Variants in ENTREP2 observed in about 807,000 individuals in gnomAD.
ENTREP2 encodes endosomal transmembrane epsin interactor 2, also known as protein ENTREP2.
At chr15:29,652,535 G>C in the ENTREP2 span, among the ~76,000 whole-genome samples, 1 of 152,246 alleles carries the variant, frequency 6.6e-6, no homozygotes, top group Non-Finnish European at 1.5e-5. Context: ...GAAGAGCTGA[G>C]GCCCTTTAGG....
chr15:29,416,326 C>A, the ENTREP2 span, among the ~76,000 whole-genome samples: 3 of 152,052 alleles, frequency 2.0e-5, no homozygotes, highest in Non-Finnish European at 4.4e-5. Flanking sequence ...ACAACAGAGC[C>A]CTCAGAAATA....
At chr15:29,382,471 C>T in the ENTREP2 span, among the ~76,000 whole-genome samples, 1 of 151,998 alleles carries the variant, frequency 6.6e-6, no homozygotes, top group Non-Finnish European at 1.5e-5. Context: ...TCACTCATCA[C>T]AGCTTCCCAC....
chr15:29,562,824 G>A, the ENTREP2 span, among the ~76,000 whole-genome samples: 149 of 151,704 alleles, frequency 9.8e-4, no homozygotes, highest in African/African-American at 3.1e-3. Context: ...AGGATTTCTC[G>A]CTGTCACCCA....
chr15:29,318,660 G>A, the ENTREP2 span, among the ~76,000 whole-genome samples: 1 of 152,222 alleles, frequency 6.6e-6, no homozygotes, highest in East Asian at 1.9e-4. Flanking sequence ...CAATGCTACT[G>A]CACACCTACT....
the ENTREP2 span, among the ~76,000 whole-genome samples, chr15:29,211,414 T>C: frequency 6.6e-6 from 1 of 152,242 alleles, no homozygotes; most frequent in Non-Finnish European, 1.5e-5. Flanking sequence ...TTCAGATCTA[T>C]GTCTCACTTC....
chr15:29,296,705 A>C, the ENTREP2 span, among the ~76,000 whole-genome samples: 1 of 152,206 alleles, frequency 6.6e-6, no homozygotes, highest in Non-Finnish European at 1.5e-5. Flanking sequence ...GATATGTATT[A>C]GTTTTCTAGG....
At chr15:29,222,397 TG>T in the ENTREP2 span, among the ~76,000 whole-genome samples, 1 of 152,238 alleles carries the variant, frequency 6.6e-6, no homozygotes, top group African/African-American at 2.4e-5. Context: ...AGGGCTGCTC[TG>T]CCTATGGAGA....
the ENTREP2 span, among the ~76,000 whole-genome samples, chr15:29,367,174 T>G: frequency 6.6e-6 from 1 of 152,178 alleles, no homozygotes; most frequent in African/African-American, 2.4e-5. Flanking sequence ...TTGGGGCATT[T>G]TGGCTTGCCC....
the ENTREP2 span, among the ~76,000 whole-genome samples, chr15:29,520,034 G>T: frequency 3.3e-5 from 5 of 151,926 alleles, no homozygotes; most frequent in South Asian, 2.1e-4. Context: ...CCCAAATCCT[G>T]TAAAACTGCC....
the ENTREP2 span, among the ~76,000 whole-genome samples, chr15:29,633,672 G>A: frequency 1.3e-5 from 2 of 152,022 alleles, no homozygotes; most frequent in African/African-American, 2.4e-5. Context: ...GTGAAATGGG[G>A]TGAGGGGGCC....
At chr15:29,532,240 C>G in the ENTREP2 span, among the ~76,000 whole-genome samples, 1 of 152,138 alleles carries the variant, frequency 6.6e-6, no homozygotes, top group East Asian at 1.9e-4. Context: ...CAGAAAACAT[C>G]ACTGGTAAAC....
At chr15:29,542,806 A>G in the ENTREP2 span, among the ~76,000 whole-genome samples, 2 of 152,212 alleles carry the variant, frequency 1.3e-5, no homozygotes, top group Non-Finnish European at 2.9e-5. Context: ...GGTACCTCAT[A>G]TAAGTGGAAT....
At chr15:29,214,699 A>AT in the ENTREP2 span, among the ~76,000 whole-genome samples, 2 of 151,778 alleles carry the variant, frequency 1.3e-5, no homozygotes, top group African/African-American at 4.9e-5. Flanking sequence ...ATAAAAAAAA[A>AT]AAATGTAAAA....
the ENTREP2 span, chr15:29,234,420 T>C: frequency 5.9e-6 from 9 of 1,519,598 alleles, no homozygotes; most frequent in Non-Finnish European, 8.2e-6. Context: ...TGGGCAACCA[T>C]TCCAGTAGTC....
chr15:29,496,794 A>T, the ENTREP2 span, among the ~76,000 whole-genome samples: 1 of 152,118 alleles, frequency 6.6e-6, no homozygotes, highest in African/African-American at 2.4e-5. Flanking sequence ...TATTGAATTC[A>T]GTTTTCTAGT....
At chr15:29,459,529 T>C in the ENTREP2 span, among the ~76,000 whole-genome samples, 158 of 152,306 alleles carry the variant, frequency 1.0e-3, no homozygotes, top group Admixed American at 2.2e-3. Context: ...TTAATCAAAC[T>C]AGGAGTTGTA....
the ENTREP2 span, among the ~76,000 whole-genome samples, chr15:29,339,693 A>G: frequency 6.6e-6 from 1 of 152,268 alleles, no homozygotes; most frequent in Non-Finnish European, 1.5e-5. Context: ...TGCGAGAAAG[A>G]TGTCTAATTA....
the ENTREP2 span, chr15:29,610,745 A>G: frequency 6.7e-6 from 1 of 150,136 alleles, no homozygotes; most frequent in Non-Finnish European, 1.5e-5. Flanking sequence ...GCTCTGGACA[A>G]CCTCTACAAA....
chr15:29,623,182 G>A, the ENTREP2 span, among the ~76,000 whole-genome samples: 12 of 152,076 alleles, frequency 7.9e-5, no homozygotes, highest in Non-Finnish European at 1.5e-4. Flanking sequence ...TAGCTCCTGG[G>A]GCCGTCTTCC....
Sources: allele counts gnomAD v4.1 joint callset (sites outside exome capture counted in the v4.1 genomes callset), GRCh38; gene constraint gnomAD v4.1.1; transcripts MANE v1.5; gene names NCBI Gene and HGNC (gene_info 2026-07-23, HGNC 2026-07-21).